LRRIQ1: variants seen among roughly 807,000 people sequenced by gnomAD.
LRRIQ1 encodes the protein leucine-rich repeat- and IQ domain-containing protein 1.
Under a neutral mutation model 211.9 loss-of-function variants are expected in LRRIQ1, and 210 were observed. The observed-to-expected ratio is 0.99, with a 90% CI of 0.89 to 1.11. The LOEUF (loss-of-function observed/expected upper bound fraction) is 1.11, where lower values mean the gene tolerates loss of function less well. Among genes scored for constraint, LRRIQ1 ranks in the 50% most tolerant of loss-of-function variants. The pLI, the probability that LRRIQ1 is intolerant of heterozygous loss-of-function variation, is 0.00. For missense variants in LRRIQ1, 2,136 were observed against 1,939.5 expected, an observed-to-expected ratio of 1.10 and a Z score of -1.90; for synonymous variants, 699 against 650.1, an observed-to-expected ratio of 1.08 and a Z score of -1.14.
intron 23 of LRRIQ1, among the ~76,000 whole-genome samples, chr12:85,156,870 A>G (rs1316412104): frequency 6.6e-6 from 1 of 151,854 alleles, no homozygotes; most frequent in Non-Finnish European, 1.5e-5. Flanking sequence ...AATGTAATAA[A>G]TTATGGCCTA....
intron 13 of LRRIQ1, among the ~76,000 whole-genome samples, chr12:85,102,376 A>G (rs1886411198): frequency 6.6e-6 from 1 of 151,720 alleles, no homozygotes; most frequent in East Asian, 1.9e-4. Context: ...AATTCAGTGT[A>G]TGTAATGGCC....
intron 8 of LRRIQ1, among the ~76,000 whole-genome samples, chr12:85,059,857 TA>T (rs754373915): frequency 6.6e-6 from 1 of 151,538 alleles, no homozygotes; most frequent in East Asian, 1.9e-4. Flanking sequence ...AAAGTATAAT[TA>T]AAAAAAAGAA....
chr12:85,153,904 AT>A, intron 22 of LRRIQ1, 107 bp from the exon 23 acceptor site: 1 of 955,320 alleles, frequency 1.0e-6, no homozygotes, highest in Non-Finnish European at 1.5e-6. Flanking sequence ...GGGAATTCAC[AT>A]TTATTTTAGT....
At chr12:85,182,925 T>C (rs1565888873) in intron 24 of LRRIQ1, among the ~76,000 whole-genome samples, 1 of 152,154 alleles carries the variant, frequency 6.6e-6, no homozygotes, top group African/African-American at 2.4e-5. Context: ...GGGTCAGAGC[T>C]GCTCTGCTGG....
At chr12:85,249,283 C>T (rs997246740), downstream of LRRIQ1, among the ~76,000 whole-genome samples, 12 of 151,688 alleles carry the variant, frequency 7.9e-5, no homozygotes, top group African/African-American at 2.4e-4. Flanking sequence ...AGAATAAGCA[C>T]ATTTCAATAA....
chr12:85,164,640 C>T (rs546094395), intron 24 of LRRIQ1, among the ~76,000 whole-genome samples: 2 of 152,196 alleles, frequency 1.3e-5, no homozygotes, highest in South Asian at 2.1e-4. Context: ...TGATTCAGTG[C>T]TTTCAGAAAC....
At chr12:85,185,429 CAA>C (rs1210799633) in intron 24 of LRRIQ1, among the ~76,000 whole-genome samples, 3 of 151,408 alleles carry the variant, frequency 2.0e-5, no homozygotes, top group Non-Finnish European at 4.4e-5. Flanking sequence ...TTTATCTGAA[CAA>C]AAAGAGAGCC....
At chr12:85,221,091 C>T (rs944388062) in intron 24 of LRRIQ1, among the ~76,000 whole-genome samples, 3 of 152,006 alleles carry the variant, frequency 2.0e-5, no homozygotes, top group East Asian at 1.9e-4. Flanking sequence ...GAATTACAGA[C>T]GTGAGCCACC....
chr12:85,106,432 T>A (rs1259172017), intron 14 of LRRIQ1, 90 bp from the exon 15 acceptor site: 1 of 894,460 alleles, frequency 1.1e-6, no homozygotes, highest in East Asian at 2.5e-5. Context: ...TTTTCTTTAA[T>A]AGCAAACCAG....
At chr12:85,196,967 C>A (rs1240243058) in intron 24 of LRRIQ1, among the ~76,000 whole-genome samples, 31 of 151,602 alleles carry the variant, frequency 2.0e-4, no homozygotes, top group African/African-American at 5.6e-4. Flanking sequence ...CAATGAACTC[C>A]AACAAATTTA....
chr12:85,212,701 GTATATGTATA>G (rs1307129173), intron 24 of LRRIQ1, among the ~76,000 whole-genome samples: 26 of 149,974 alleles, frequency 1.7e-4, no homozygotes, highest in Admixed American at 1.0e-3. Context: ...TTCCATGTAT[GTATATGTATA>G]TATATGTATA....
rs910917252 is a variant in LRRIQ1 at position 85,073,060 on chromosome 12, C to T, written c.2849C>T (p.Ser950Leu). 4.4e-6 allele frequency: 7 copies of T among 1,608,312 alleles called. No individual in the cohort carries two copies. The highest frequency in any genetic ancestry group is 5.9e-6 in the Non-Finnish European group (7 of 1,177,068). ...CCTATTACCTCACTTACAAAAAATT[C>T]AGATTGTAATTTCCTTATCTCCCAC... ...WIPITSLTKN[S>L]DCNFLISHLY... Residue 950 changes from serine to leucine, a missense_variant, in exon 11 of 27, where the codon TCA becomes TTA. Ser to Leu is a moderately radical substitution (Grantham distance 145). Transcript: ENST00000393217.
intron 15 of LRRIQ1, among the ~76,000 whole-genome samples, chr12:85,119,280 A>G (rs1887806103): frequency 6.6e-6 from 1 of 152,040 alleles, no homozygotes. Context: ...TTTCATATTG[A>G]CTTCTTTCAC....
Position 85,086,942 on chromosome 12 carries a change from AT to A in LRRIQ1, c.2888-11411del, listed in dbSNP as rs1396317131. On this transcript the variant is annotated intron_variant, in intron 11 of 26. Coordinates refer to ENST00000393217, the MANE Select transcript of LRRIQ1 (RefSeq NM_001079910.2). Reference sequence around the variant, plus strand: ...GAATCTCAGATTGTTCTTCATTATTATTATTATTATTATTATTATACTTTAA... The same window carrying A: ...GAATCTCAGATTGTTCTTCATTATTATATTATTATTATTATTATACTTTAA... Among the ~76,000 whole-genome samples, 4 of 143,048 alleles carry A rather than the reference AT, an allele frequency of 2.8e-5. No homozygotes were observed. In the South Asian group the frequency reaches 8.3e-4, roughly 30 times the overall value. The allele number at this position is 143,048 out of a possible 152,430, so 93.8% of individuals were successfully genotyped here.
chr12:85,137,780 G>C (rs1195743915), intron 18 of LRRIQ1, 70 bp from the exon 19 acceptor site: 2 of 1,328,058 alleles, frequency 1.5e-6, no homozygotes, highest in Non-Finnish European at 2.0e-6. Flanking sequence ...TTCCTAATGG[G>C]ATAACACAGA....
intron 11 of LRRIQ1, 87 bp downstream of exon 11, chr12:85,073,185 A>G: frequency 1.2e-6 from 1 of 837,598 alleles, no homozygotes. Context: ...AGTCACCATC[A>G]TCTCCTTTAT....
At chr12:85,147,037 G>A (rs896326379) in intron 19 of LRRIQ1, among the ~76,000 whole-genome samples, 3 of 151,768 alleles carry the variant, frequency 2.0e-5, no homozygotes, top group South Asian at 2.1e-4. Flanking sequence ...ATATAGATGT[G>A]TCGATAGAAG....
intron 11 of LRRIQ1, among the ~76,000 whole-genome samples, chr12:85,093,966 A>T (rs150678279): frequency 5.5e-4 from 84 of 152,176 alleles, no homozygotes; most frequent in African/African-American, 1.9e-3. Context: ...AAGCCAGGTG[A>T]ATTGACTTTG....
chr12:85,090,414 A>G (rs1389699633), intron 11 of LRRIQ1, among the ~76,000 whole-genome samples: 3 of 152,164 alleles, frequency 2.0e-5, no homozygotes, highest in Non-Finnish European at 4.4e-5. Context: ...CCTTGCATCC[A>G]AAAAAGCTAC....
Sources: gnomAD v4.1 joint callset for allele counts (sites outside exome capture counted in the v4.1 genomes callset) on GRCh38, gnomAD v4.1.1 for gene constraint, MANE v1.5 for transcripts, NCBI Gene and HGNC (gene_info 2026-07-23, HGNC 2026-07-21) for gene names.